ARFGEF1: variants seen among roughly 807,000 people sequenced by gnomAD.
ARFGEF1 encodes the protein brefeldin A-inhibited guanine nucleotide-exchange protein 1.
Under a neutral mutation model 231.0 loss-of-function variants are expected in ARFGEF1, and 42 were observed. That is an observed-to-expected ratio of 0.18 (90% confidence interval 0.14 to 0.24). The LOEUF is 0.24. Among genes scored for constraint, ARFGEF1 ranks in the 10% least tolerant of loss-of-function variants. ARFGEF1 has a pLI of 1.00. For synonymous variants in ARFGEF1, 710 were observed against 732.3 expected, an observed-to-expected ratio of 0.97 and a Z score of 0.49; for missense variants, 1,345 against 2,192.0, an observed-to-expected ratio of 0.61 and a Z score of 7.72.
At chr8:67,268,236 C>T (rs1030725990) in intron 10 of ARFGEF1, among the ~76,000 whole-genome samples, 2 of 152,174 alleles carry the variant, frequency 1.3e-5, no homozygotes, top group Non-Finnish European at 2.9e-5. Flanking sequence ...TCACAAAACT[C>T]AGCATATTTC....
At chr8:67,237,369 C>T (rs1432352528) in intron 22 of ARFGEF1, among the ~76,000 whole-genome samples, 1 of 152,218 alleles carries the variant, frequency 6.6e-6, no homozygotes, top group Non-Finnish European at 1.5e-5. Context: ...TTGATTACCA[C>T]TGGGAATTAG....
At chr8:67,281,095 A>G (rs2128902920) in intron 7 of ARFGEF1, among the ~76,000 whole-genome samples, 1 of 152,226 alleles carries the variant, frequency 6.6e-6, no homozygotes, top group South Asian at 2.1e-4. Context: ...ACTACACTGG[A>G]AAAAGCAGTA....
At chr8:67,232,807 G>T in intron 23 of ARFGEF1, 48 bp downstream of exon 23, 2 of 1,413,974 alleles carry the variant, frequency 1.4e-6, no homozygotes, top group Non-Finnish European at 1.9e-6. Flanking sequence ...AAATGCTAAA[G>T]AACTGAAATA....
intron 1 of ARFGEF1, among the ~76,000 whole-genome samples, chr8:67,304,246 G>A (rs145121802): frequency 3.3e-5 from 5 of 152,062 alleles, no homozygotes; most frequent in Non-Finnish European, 5.9e-5. Flanking sequence ...CAATTCATTC[G>A]CACAATCCAT....
chr8:67,325,158 C>G (rs2128929683), intron 1 of ARFGEF1, among the ~76,000 whole-genome samples: 1 of 151,916 alleles, frequency 6.6e-6, no homozygotes, highest in South Asian at 2.1e-4. Context: ...GGTGATCCAC[C>G]CACCTCAGCC....
At chr8:67,315,849 G>A (rs1359533311) in intron 1 of ARFGEF1, among the ~76,000 whole-genome samples, 1 of 151,870 alleles carries the variant, frequency 6.6e-6, no homozygotes, top group East Asian at 1.9e-4. Flanking sequence ...AGCTTAAAGG[G>A]AGACTTACAG....
At chr8:67,190,885 T>TC in intron 5 of ARFGEF1, 1 of 690,450 alleles carries the variant, frequency 1.4e-6, no homozygotes. Context: ...GGTCTGAATC[T>TC]AGGCTCTGCC....
intron 1 of ARFGEF1, 45 bp downstream of exon 1, chr8:67,343,109 CCCCCTCCCCG>C: frequency 2.7e-6 from 1 of 366,772 alleles, no homozygotes; most frequent in Non-Finnish European, 5.2e-6. Context: ...CCACAGGCGC[CCCCCTCCCCG>C]CCCCACAACA....
intron 1 of ARFGEF1, among the ~76,000 whole-genome samples, chr8:67,322,083 C>T (rs968803951): frequency 6.6e-6 from 1 of 152,194 alleles, no homozygotes; most frequent in African/African-American, 2.4e-5. Flanking sequence ...GTGTCCTCTG[C>T]CTGAATTCCA....
At chr8:67,271,004 A>G (rs532513776) in intron 10 of ARFGEF1, among the ~76,000 whole-genome samples, 6 of 147,700 alleles carry the variant, frequency 4.1e-5, no homozygotes, top group East Asian at 2.0e-4. Context: ...AGCCTGGGCA[A>G]TAAGAGGGAA....
chr8:67,246,047 A>G (rs1840096726), intron 19 of ARFGEF1, among the ~76,000 whole-genome samples: 1 of 150,500 alleles, frequency 6.6e-6, no homozygotes, highest in South Asian at 2.1e-4. Flanking sequence ...GGATACAGCA[A>G]TTGTGTGTGG....
chr8:67,279,876 G>A (rs1805465528), intron 7 of ARFGEF1, among the ~76,000 whole-genome samples: 1 of 152,136 alleles, frequency 6.6e-6, no homozygotes, highest in Admixed American at 6.6e-5. Flanking sequence ...ATTATTAACT[G>A]TCTCATGTTT....
Position 67,259,717 on chromosome 8 carries a change from C to G in ARFGEF1, c.2235+98G>C, listed in dbSNP as rs947768111. On this transcript the variant is annotated intron_variant, in intron 15 of 38. Transcript: ENST00000262215. ...ATTGCCTGAGCCCAGGAGTTCAAAA[C>G]TAGCCTGGGCAATATAGCGAGACCC... 7.7e-6 allele frequency: 6 copies of G among 777,282 alleles called. No individual in the cohort carries two copies. The Admixed American group carries it at 1.2e-4, about 16-fold the overall frequency. The allele number at this position is 777,282 out of a possible 1,614,324, so 48.1% of individuals were successfully genotyped here. A position where few individuals can be genotyped will look rare whatever the true frequency, so the allele number is the denominator to read the frequency against.
In ARFGEF1 at chr8:67,199,116, T is replaced by G; in HGVS notation, c.5386-18A>C. The G allele has an allele frequency of 6.2e-7, 1 of 1,601,900 alleles. No homozygotes were observed. Among genetic ancestry groups the G allele is most frequent in the East Asian group, 2.2e-5 (1 of 44,500 alleles). On this transcript the variant is annotated intron_variant, in intron 38 of 38. Coordinates refer to ENST00000262215, the MANE Select transcript of ARFGEF1 (RefSeq NM_006421.5). ...GCTTTAAACTGCAGGGAAAATGAAT[T>G]TCTCCATTAGTAGTGATTGCAAACT...
intron 9 of ARFGEF1, among the ~76,000 whole-genome samples, chr8:67,275,442 C>T (rs1805273451): frequency 6.6e-6 from 1 of 152,066 alleles, no homozygotes; most frequent in Admixed American, 6.6e-5. Context: ...TAGACAAAGA[C>T]ATCATCCTAG....
intron 1 of ARFGEF1, among the ~76,000 whole-genome samples, chr8:67,304,054 C>CAG (rs1349507633): frequency 1.3e-5 from 2 of 152,096 alleles, no homozygotes; most frequent in Non-Finnish European, 2.9e-5. Flanking sequence ...GTTTATTAAC[C>CAG]GTTCTACCAT....
At chr8:67,338,979 TC>T (rs1808472747) in intron 1 of ARFGEF1, among the ~76,000 whole-genome samples, 2 of 152,086 alleles carry the variant, frequency 1.3e-5, no homozygotes, top group Admixed American at 6.6e-5. Context: ...TCAAGTAATT[TC>T]CCCTCCACTG....
chr8:67,309,868 AAATT>A (rs940763716), intron 1 of ARFGEF1, among the ~76,000 whole-genome samples: 5 of 152,304 alleles, frequency 3.3e-5, no homozygotes, highest in Middle Eastern at 3.4e-3. Context: ...TGAAAATAAA[AAATT>A]AATTATTATC....
At chr8:67,271,973 G>T in intron 9 of ARFGEF1, 37 bp from the exon 10 acceptor site, 1 of 1,344,176 alleles carries the variant, frequency 7.4e-7, no homozygotes, top group Non-Finnish European at 1.0e-6. Context: ...ATATGAACAA[G>T]GTTGGCATTA....
Sources: gnomAD v4.1 joint callset for allele counts (sites outside exome capture counted in the v4.1 genomes callset) on GRCh38, gnomAD v4.1.1 for gene constraint, MANE v1.5 for transcripts, NCBI Gene and HGNC (gene_info 2026-07-23, HGNC 2026-07-21) for gene names.